Variants in CACNB2 observed in about 807,000 individuals in gnomAD.
The protein encoded by CACNB2 is voltage-dependent L-type calcium channel subunit beta-2.
Under a neutral mutation model 73.3 loss-of-function variants are expected in CACNB2, and 42 were observed. The ratio of observed to expected loss-of-function variants is 0.57; its 90% CI spans 0.45 to 0.74. The LOEUF (loss-of-function observed/expected upper bound fraction) is 0.74. Among genes scored for constraint, CACNB2 ranks in the 30% least tolerant of loss-of-function variants. The probability of loss-of-function intolerance (pLI) is 0.00; values close to 1 mark genes in which losing one functional copy is unlikely to be tolerated. For synonymous variants in CACNB2, 348 were observed against 310.3 expected (o/e 1.12, Z -1.28); for missense variants, 940 against 853.0 (o/e 1.10, Z -1.27).
chr10:18,289,312 T>A (rs2038956975), intron 2 of CACNB2, among the ~76,000 whole-genome samples: 2 of 134,480 alleles, frequency 1.5e-5, no homozygotes, highest in South Asian at 2.4e-4. Flanking sequence ...TTTTTTTTTT[T>A]GAGATGGGGT....
intron 2 of CACNB2, among the ~76,000 whole-genome samples, chr10:18,326,425 T>C (rs1694278540): frequency 6.6e-6 from 1 of 152,190 alleles, no homozygotes; most frequent in Non-Finnish European, 1.5e-5. Flanking sequence ...TGGTAACTTA[T>C]TCAAGAAAAG....
chr10:18,499,433 T>G (rs573685609), intron 4 of CACNB2, among the ~76,000 whole-genome samples: 1 of 151,918 alleles, frequency 6.6e-6, no homozygotes, highest in African/African-American at 2.4e-5. Flanking sequence ...CTGGCCAACA[T>G]GGTGAACCCC....
intron 2 of CACNB2, among the ~76,000 whole-genome samples, chr10:18,165,040 T>C (rs910386813): frequency 1.8e-4 from 27 of 152,126 alleles, no homozygotes; most frequent in Admixed American, 1.4e-3. Flanking sequence ...ATTAAAGTAT[T>C]GATGTACTCA....
chr10:18,375,324 A>G (rs1564481782), intron 2 of CACNB2, among the ~76,000 whole-genome samples: 1 of 152,196 alleles, frequency 6.6e-6, no homozygotes, highest in Non-Finnish European at 1.5e-5. Context: ...AAAAAGATAC[A>G]TGTATCTTTA....
At chr10:18,266,761 A>G (rs1189668038) in intron 2 of CACNB2, among the ~76,000 whole-genome samples, 1 of 152,072 alleles carries the variant, frequency 6.6e-6, no homozygotes, top group Non-Finnish European at 1.5e-5. Flanking sequence ...GTGGTGGTGC[A>G]TGCCTGTAAT....
chr10:18,176,661 A>C (rs1243704466), intron 2 of CACNB2, among the ~76,000 whole-genome samples: 3 of 150,354 alleles, frequency 2.0e-5, no homozygotes, highest in Non-Finnish European at 4.4e-5. Flanking sequence ...CAAATGGTGG[A>C]GATCTAGAAT....
At chr10:18,532,676 C>CAAAAAAA (rs1219587375) in intron 10 of CACNB2, among the ~76,000 whole-genome samples, 82 of 92,434 alleles carry the variant, frequency 8.9e-4, no homozygotes, top group Non-Finnish European at 1.4e-3. Flanking sequence ...GACTCTGTCT[C>CAAAAAAA]AAAAAAAAAA....
At chr10:18,198,806 A>G (rs2034742483) in intron 2 of CACNB2, among the ~76,000 whole-genome samples, 1 of 152,194 alleles carries the variant, frequency 6.6e-6, no homozygotes, top group Non-Finnish European at 1.5e-5. Context: ...CTTGCTTTCA[A>G]GATCCACCTT....
At chr10:18,203,207 A>G (rs1433750730) in intron 2 of CACNB2, among the ~76,000 whole-genome samples, 1 of 152,232 alleles carries the variant, frequency 6.6e-6, no homozygotes, top group African/African-American at 2.4e-5. Flanking sequence ...TGAAGTAGAC[A>G]CAGGCAGATG....
At chr10:18,486,783 C>G (rs1030385724) in intron 3 of CACNB2, among the ~76,000 whole-genome samples, 3 of 152,144 alleles carry the variant, frequency 2.0e-5, no homozygotes, top group African/African-American at 7.2e-5. Flanking sequence ...GGAGCTTGAA[C>G]AGATGTTTCT....
intron 2 of CACNB2, among the ~76,000 whole-genome samples, chr10:18,157,861 C>A (rs972448219): frequency 6.6e-6 from 1 of 152,152 alleles, no homozygotes; most frequent in African/African-American, 2.4e-5. Context: ...TTTTAACTTC[C>A]TTCTGTACCG....
Position 18,213,294 on chromosome 10 carries a change from C to T in CACNB2, c.213+62319C>T, listed in dbSNP as rs1023039586. ...AACCTCTTTGACCTTGGTTTTCTCACGTGTTAAGCTCAGGACGTGGAACCG... is the reference window on the plus strand; with the variant it reads ...AACCTCTTTGACCTTGGTTTTCTCATGTGTTAAGCTCAGGACGTGGAACCG... On this transcript the variant is annotated intron_variant, in intron 2 of 13. Coordinates refer to ENST00000324631, the MANE Select transcript of CACNB2 (RefSeq NM_201596.3). Among the ~76,000 whole-genome samples, 8 of 152,266 alleles carry T rather than the reference C, an allele frequency of 5.3e-5. No homozygotes were observed. In the South Asian group the frequency reaches 6.2e-4, roughly 12 times the overall value.
intron 3 of CACNB2, among the ~76,000 whole-genome samples, chr10:18,432,999 C>T (rs941811871): frequency 3.3e-5 from 5 of 152,120 alleles, no homozygotes; most frequent in African/African-American, 4.8e-5. Context: ...TTTATGACTG[C>T]CCAAATATCG....
At chr10:18,417,568 A>T (rs898285592) in intron 3 of CACNB2, among the ~76,000 whole-genome samples, 1 of 151,888 alleles carries the variant, frequency 6.6e-6, no homozygotes, top group East Asian at 1.9e-4. Flanking sequence ...AGGTTTCACC[A>T]TGTTGGCCAG....
intron 2 of CACNB2, among the ~76,000 whole-genome samples, chr10:18,228,455 A>AAAAAAG (rs2036099778): frequency 6.7e-6 from 1 of 150,018 alleles, no homozygotes; most frequent in Non-Finnish European, 1.5e-5. Flanking sequence ...AAAAAGAAAA[A>AAAAAAG]AAAAAAGAAA....
intron 2 of CACNB2, among the ~76,000 whole-genome samples, chr10:18,338,720 GCCTTCTTT>G (rs2041108051): frequency 8.3e-6 from 1 of 120,466 alleles, no homozygotes; most frequent in Non-Finnish European, 1.7e-5. Context: ...CTGCCTTCCT[GCCTTCTTT>G]CCTTCTTTCC....
At chr10:18,384,959 A>G (rs139195234) in intron 2 of CACNB2, among the ~76,000 whole-genome samples, 5 of 152,014 alleles carry the variant, frequency 3.3e-5, no homozygotes, top group East Asian at 1.9e-4. Flanking sequence ...TTGGCTGAAC[A>G]GTAGAATCAC....
At chr10:18,528,545 G>GT (rs1217255701) in intron 10 of CACNB2, among the ~76,000 whole-genome samples, 2 of 152,100 alleles carry the variant, frequency 1.3e-5, no homozygotes, top group Non-Finnish European at 2.9e-5. Context: ...TGAGAGGCTG[G>GT]TTTCTAACAT....
At chr10:18,453,776 T>G (rs1050369201) in intron 3 of CACNB2, among the ~76,000 whole-genome samples, 1 of 152,154 alleles carries the variant, frequency 6.6e-6, no homozygotes, top group Non-Finnish European at 1.5e-5. Flanking sequence ...GTCACAGGCG[T>G]GCACCACCAT....
Sources: allele counts gnomAD v4.1 joint callset (sites outside exome capture counted in the v4.1 genomes callset), GRCh38; gene constraint gnomAD v4.1.1; transcripts MANE v1.5; gene names NCBI Gene and HGNC (gene_info 2026-07-23, HGNC 2026-07-21).